DDX24: variants seen among roughly 807,000 people sequenced by gnomAD.
DDX24 encodes DEAD-box helicase 24, also known as ATP-dependent RNA helicase DDX24.
In DDX24, 24 loss-of-function variants were observed where a neutral mutation model predicts 68.9. That is an observed-to-expected ratio of 0.35 (90% CI 0.25 to 0.49). The LOEUF (loss-of-function observed/expected upper bound fraction) is 0.49, where lower values mean the gene tolerates loss of function less well. Among genes scored for constraint, DDX24 ranks in the 20% least tolerant of loss-of-function variants. The probability of loss-of-function intolerance (pLI) is 0.99; values close to 1 mark genes in which losing one functional copy is unlikely to be tolerated. For missense variants in DDX24, 989 were observed against 1,039.0 expected (o/e 0.95, Z 0.66); for synonymous variants, 395 against 385.2 (o/e 1.03, Z -0.30).
Position 94,054,951 on chromosome 14 carries a change from C to G in DDX24, c.2178+45G>C, listed in dbSNP as rs145249939. ...CACAGCAAGGTGCTCTGCAAGGGAG[C>G]AGCACAATCCCTTCATTAGCACTGG... On this transcript the variant is annotated intron_variant, in intron 7 of 8. Transcript: ENST00000621632. 851 of 1,589,062 alleles carry G rather than the reference C, an allele frequency of 5.4e-4. 4 individuals are homozygous for G. The African/African-American group carries it at 0.01, about 19-fold the overall frequency.
At position 94,049,700 on chromosome 14, in the gene DDX24, C is replaced by T. The variant is rs1406099793; in HGVS notation, c.*1491G>A. On this transcript the variant is annotated 3_prime_UTR_variant, in exon 9 of 9. Coordinates refer to ENST00000621632, the MANE Select transcript of DDX24 (RefSeq NM_020414.4). Reference sequence around the variant, plus strand: ...TTGAGGGCAGGAGTTTTGAGACCAGCCTACGCCAACATAGTGAGACCCCAT... The same window carrying T: ...TTGAGGGCAGGAGTTTTGAGACCAGTCTACGCCAACATAGTGAGACCCCAT... The T allele has an allele frequency of 6.6e-6, 1 of 150,942 alleles. No individual in the cohort carries two copies. The highest frequency in any genetic ancestry group is 1.9e-4 in the East Asian group (1 of 5,154). 9.4% of individuals were successfully genotyped at this position (150,942 alleles called of 1,614,324 possible).
rs576432331 is a variant in DDX24, at chr14:94,053,589, C to T, written c.2179-462G>A. ...TAGCACTCTGGGAGGCCAAGGCGGG[C>T]GGATCACCTGAGGTCAGGAGTTCAA... On this transcript the variant is annotated intron_variant, in intron 7 of 8. Coordinates refer to ENST00000621632, the MANE Select transcript of DDX24 (RefSeq NM_020414.4). Among the ~76,000 whole-genome samples, 160 of 151,900 alleles carry T rather than the reference C, an allele frequency of 1.1e-3. 1 individual carries two copies. The highest frequency in any genetic ancestry group is 6.6e-3 in the South Asian group (32 of 4,820).
chr14:94,057,143 A>G (rs1224599227), intron 6 of DDX24: 1 of 152,220 alleles, frequency 6.6e-6, no homozygotes, highest in Non-Finnish European at 1.5e-5. Flanking sequence ...CAGAGGTACT[A>G]AATAACTTGC....
In DDX24 at chr14:94,072,823, C is replaced by T. The variant is rs181126217; in HGVS notation, c.718+6202G>A. On this transcript the variant is annotated intron_variant, in intron 2 of 8. Transcript: ENST00000621632. Reference sequence around the variant, plus strand: ...CAGCCAGGGTGACAAAGCAAGACTCCGTCTCAAAAAACAAACAAACAAAAA... The same window carrying T: ...CAGCCAGGGTGACAAAGCAAGACTCTGTCTCAAAAAACAAACAAACAAAAA... 2.1e-3 allele frequency among the ~76,000 whole-genome samples: 317 copies of T among 151,698 alleles called. 2 individuals are homozygous for T. Among genetic ancestry groups the T allele is most frequent in the Middle Eastern group, 0.017 (5 of 294 alleles).
intron 2 of DDX24, among the ~76,000 whole-genome samples, chr14:94,078,546 C>A (rs994327558): frequency 6.6e-6 from 1 of 152,190 alleles, no homozygotes; most frequent in African/African-American, 2.4e-5. Context: ...CATCAACTCC[C>A]AAAGCAGCAA....
intron 2 of DDX24, among the ~76,000 whole-genome samples, chr14:94,072,922 C>T (rs1885861945): frequency 2.0e-5 from 3 of 150,902 alleles, no homozygotes; most frequent in South Asian, 2.1e-4. Flanking sequence ...TAAAAATAAA[C>T]ATCTAAACAT....
At chr14:94,062,716 T>C in intron 2 of DDX24, 95 bp from the exon 3 acceptor site, 2 of 1,454,340 alleles carry the variant, frequency 1.4e-6, no homozygotes, top group Non-Finnish European at 1.8e-6. Context: ...TAGAATAAGG[T>C]AGCCAAGTGC....
At chr14:94,060,017 C>A in intron 5 of DDX24, 81 bp downstream of exon 5, 1 of 1,482,520 alleles carries the variant, frequency 6.7e-7, no homozygotes, top group Non-Finnish European at 9.0e-7. Context: ...GGTGGCTTTT[C>A]TACCATTTCC....
chr14:94,053,232 TGCTGC>T, intron 7 of DDX24, 105 bp from the exon 8 acceptor site: 1 of 1,491,148 alleles, frequency 6.7e-7, no homozygotes, highest in Non-Finnish European at 9.1e-7. Context: ...GGTATCACTC[TGCTGC>T]CCAGGCTGGA....
intron 2 of DDX24, among the ~76,000 whole-genome samples, chr14:94,076,751 G>A (rs940755796): frequency 6.6e-5 from 10 of 151,668 alleles, no homozygotes; most frequent in Middle Eastern, 3.4e-3. Flanking sequence ...ATCAGTGGTT[G>A]CCTGAGGAGG....
intron 3 of DDX24, among the ~76,000 whole-genome samples, chr14:94,061,827 A>G (rs1327346888): frequency 2.0e-5 from 3 of 152,194 alleles, no homozygotes; most frequent in Admixed American, 2.0e-4. Flanking sequence ...GCAAAACTTT[A>G]TTTATAAAAC....
intron 6 of DDX24, 65 bp downstream of exon 6, chr14:94,057,757 A>G (rs984111195): frequency 1.3e-6 from 2 of 1,518,222 alleles, no homozygotes; most frequent in African/African-American, 1.4e-5. Flanking sequence ...CCCTCCCCCA[A>G]CCTTTGCCTT....
At chr14:94,055,525 C>CTA in intron 6 of DDX24, 1 of 272,212 alleles carries the variant, frequency 3.7e-6, no homozygotes, top group Non-Finnish European at 6.9e-6. Context: ...GTCTCTACTC[C>CTA]TATATATATT....
chr14:94,080,084 A>T (rs3790044), intron 1 of DDX24, among the ~76,000 whole-genome samples: 1,532 of 152,336 alleles, frequency 0.01, 37 homozygotes, highest in East Asian at 0.097. Context: ...AGGGTACCTA[A>T]CAATATCTAA....
intron 2 of DDX24, among the ~76,000 whole-genome samples, chr14:94,065,890 C>T (rs1393355889): frequency 1.3e-5 from 2 of 152,218 alleles, no homozygotes; most frequent in Non-Finnish European, 2.9e-5. Context: ...CCTGGCACCA[C>T]AGGGATCCAC....
chr14:94,061,182 A>G lies in DDX24; in HGVS notation c.1244-116T>C, dbSNP rs1305439123. ...AGACATCAGCACAGTGTAATGCCCTAGAGCATTGCTAAAAGAGCAGGCCTG... is the reference window on the plus strand; with the variant it reads ...AGACATCAGCACAGTGTAATGCCCTGGAGCATTGCTAAAAGAGCAGGCCTG... On this transcript the variant is annotated intron_variant, in intron 3 of 8. Transcript: ENST00000621632. The G allele has an allele frequency of 5.1e-6, 6 of 1,187,870 alleles. No individual in the cohort carries two copies. In the African/African-American group the frequency reaches 7.6e-5, roughly 15 times the overall value. 73.6% of individuals were successfully genotyped at this position (1,187,870 alleles called of 1,614,324 possible). A position where few individuals can be genotyped will look rare whatever the true frequency, so the allele number is the denominator to read the frequency against.
intron 1 of DDX24, among the ~76,000 whole-genome samples, chr14:94,080,158 T>C (rs1886038681): frequency 6.6e-6 from 1 of 152,200 alleles, no homozygotes; most frequent in African/African-American, 2.4e-5. Flanking sequence ...CTGCCACACC[T>C]AAGTCGTTCT....
rs755217737 is a variant in DDX24, at chr14:94,079,595, A to C, written c.148T>G (p.Phe50Val). 57 of 1,614,036 alleles carry C rather than the reference A, an allele frequency of 3.5e-5. No individual in the cohort carries two copies. The highest frequency in any genetic ancestry group is 4.8e-5 in the Non-Finnish European group (57 of 1,180,036). ...AACTGGTAATCTGTCAATTCCTCAA[A>C]GCACACCAAGTCATCCATCTGTCCA... ...ADGQMDDLVCFEELTDYQLVS... is the reference protein window; with the variant it reads ...ADGQMDDLVCVEELTDYQLVS... Residue 50 changes from phenylalanine (F) to valine (V), a missense_variant, in exon 2 of 9, where the codon TTT (phenylalanine) becomes GTT (valine). Around this residue, in one of 3 missense-constraint regions of DDX24, gnomAD observed 295 missense variants for 263.0 expected, o/e 1.12. Transcript: ENST00000621632.
chr14:94,052,312 C>A (rs1372742357), intron 8 of DDX24, among the ~76,000 whole-genome samples: 3 of 152,176 alleles, frequency 2.0e-5, no homozygotes, highest in Non-Finnish European at 4.4e-5. Context: ...AGCCTGTGGT[C>A]ACATATAGAG....
Sources: gnomAD v4.1 joint callset for allele counts (sites outside exome capture counted in the v4.1 genomes callset) on GRCh38, gnomAD v4.1.1 for gene constraint, gnomAD v4.1.1 regional missense constraint, MANE v1.5 for transcripts, NCBI Gene and HGNC (gene_info 2026-07-23, HGNC 2026-07-21) for gene names.